Variants in AQP4 observed in about 807,000 individuals in gnomAD.
AQP4 encodes the protein aquaporin-4.
A neutral mutation model predicts 27.8 loss-of-function variants in AQP4; 18 were observed. The ratio of observed to expected loss-of-function variants is 0.65; its 90% CI spans 0.45 to 0.96. The LOEUF (loss-of-function observed/expected upper bound fraction) is 0.96. Among genes scored for constraint, AQP4 ranks in the 40% least tolerant of loss-of-function variants. The pLI is 0.00. For missense variants in AQP4, 412 were observed against 408.2 expected (o/e 1.01, Z -0.08); for synonymous variants, 141 against 142.9 (o/e 0.99, Z 0.10).
intron 4 of AQP4, among the ~76,000 whole-genome samples, chr18:26,859,339 G>T (rs182039811): frequency 6.6e-6 from 1 of 152,190 alleles, no homozygotes; most frequent in African/African-American, 2.4e-5. Context: ...GGCCAACATG[G>T]TGAAACCCTG....
rs549189914 is a variant in AQP4 at position 26,855,241 on chromosome 18, T to G, written c.*970A>C. 8.5e-4 allele frequency: 130 copies of G among 152,306 alleles called. 3 individuals carry two copies. The highest frequency in any genetic ancestry group is 8.5e-3 in the Admixed American group (130 of 15,298). The allele number at this position is 152,306 out of a possible 1,614,324, so 9.4% of individuals were successfully genotyped here. ...AGCTAAGTTCTTGTTATCAAAAATATGTCTCAGCTAATGTTTAAATATAGA... is the reference window on the plus strand; with the variant it reads ...AGCTAAGTTCTTGTTATCAAAAATAGGTCTCAGCTAATGTTTAAATATAGA... On this transcript the variant is annotated 3_prime_UTR_variant, in exon 5 of 5. Transcript: ENST00000383168.
intron 1 of AQP4, among the ~76,000 whole-genome samples, chr18:26,864,859 C>G (rs1040652185): frequency 6.6e-6 from 1 of 152,044 alleles, no homozygotes; most frequent in East Asian, 1.9e-4. Context: ...CTGCTCACCC[C>G]CTTCACCTCT....
chr18:26,864,509 AGAG>A (rs2055020720), intron 1 of AQP4, among the ~76,000 whole-genome samples: 1 of 152,182 alleles, frequency 6.6e-6, no homozygotes, highest in African/African-American at 2.4e-5. Flanking sequence ...CATACTCTCT[AGAG>A]GAAAAGAATG....
At position 26,862,574 on chromosome 18, in the gene AQP4, T is replaced by C. The variant is rs371918868; in HGVS notation, c.55A>G (p.Arg19Gly). Residue 19 changes from arginine (R) to glycine (G), a missense_variant, in exon 2 of 5, where the codon AGA becomes GGA. Transcript: ENST00000383168. ...TTGAAAGCCACCATGATGTTCTCTCTGGTACACAAAGGTCCACACTTACTG... is the reference window on the plus strand; with the variant it reads ...TTGAAAGCCACCATGATGTTCTCTCCGGTACACAAAGGTCCACACTTACTG... ...RWGKCGPLCT[R>G]ENIMVAFKGV... 1 of 1,614,068 alleles carries C rather than the reference T, an allele frequency of 6.2e-7. No individual in the cohort carries two copies. The highest frequency in any genetic ancestry group is 2.2e-5 in the East Asian group (1 of 44,878).
Position 26,855,134 on chromosome 18 carries a change from A to G in AQP4, c.*1077T>C, listed in dbSNP as rs894026099. The G allele has an allele frequency of 1.3e-5, 2 of 152,226 alleles. No individual in the cohort carries two copies. The highest frequency in any genetic ancestry group is 4.8e-5 in the African/African-American group (2 of 41,464). 9.4% of individuals were successfully genotyped at this position (152,226 alleles called of 1,614,324 possible). Reference sequence around the variant, plus strand: ...TTATCAACAAATGTCACGAGAAGTGAGAGAGCAGAGATTGGGACAGGGCCT... The same window carrying G: ...TTATCAACAAATGTCACGAGAAGTGGGAGAGCAGAGATTGGGACAGGGCCT... On this transcript the variant is annotated 3_prime_UTR_variant, in exon 5 of 5. Coordinates refer to ENST00000383168, the MANE Select transcript of AQP4 (RefSeq NM_001650.7).
At chr18:26,863,883 C>T (rs2055006528) in intron 1 of AQP4, among the ~76,000 whole-genome samples, 1 of 152,110 alleles carries the variant, frequency 6.6e-6, no homozygotes, top group African/African-American at 2.4e-5. Flanking sequence ...GCCTTCTCCT[C>T]CCGTCTATAT....
chr18:26,862,832 A>G, intron 1 of AQP4: 2 of 596,994 alleles, frequency 3.4e-6, no homozygotes, highest in Admixed American at 5.9e-5. Context: ...AAATTATCCA[A>G]ACTGTCCCTA....
Position 26,862,571 on chromosome 18 carries a change from C to G in AQP4, c.58G>C (p.Glu20Gln), listed in dbSNP as rs781604412. Residue 20 changes from glutamate (E) to glutamine (Q), a missense_variant, in exon 2 of 5, where the codon GAG (glutamate) becomes CAG (glutamine). By Grantham distance (29) the Glu-to-Gln change is conservative. Transcript: ENST00000383168. Reference protein sequence around the residue: ...WGKCGPLCTRENIMVAFKGVW... With the variant: ...WGKCGPLCTRQNIMVAFKGVW... ...CCTTTGAAAGCCACCATGATGTTCT[C>G]TCTGGTACACAAAGGTCCACACTTA... is the stretch of plus-strand genomic sequence containing the variant. 2.5e-5 allele frequency: 40 copies of G among 1,613,906 alleles called. No homozygotes were observed. Among genetic ancestry groups the G allele is most frequent in the Non-Finnish European group, 3.2e-5 (38 of 1,180,046 alleles).
At chr18:26,865,528 A>G (rs983731700) in intron 1 of AQP4, 130 bp downstream of exon 1, 2 of 1,201,202 alleles carry the variant, frequency 1.7e-6, no homozygotes, top group African/African-American at 1.5e-5. Context: ...CTCAGATCTA[A>G]AAGAACCACC....
intron 2 of AQP4, 121 bp from the exon 3 acceptor site, chr18:26,861,416 CA>C: frequency 1.1e-6 from 1 of 924,858 alleles, no homozygotes; most frequent in South Asian, 1.5e-5. Flanking sequence ...TCTTCTACCC[CA>C]CCTTCAACTG....
rs1456259989 is a variant in AQP4 at position 26,852,842 on chromosome 18, T to C, written c.*3369A>G. ...GCTTTTATATTGTTTGATAAGGTTG[T>C]CTGTGCCCCCCAGACTTCCATCTTC... On this transcript the variant is annotated 3_prime_UTR_variant, in exon 5 of 5. Coordinates refer to ENST00000383168, the MANE Select transcript of AQP4 (RefSeq NM_001650.7). The C allele has an allele frequency of 1.5e-5, 6 of 398,486 alleles. No homozygotes were observed. In the East Asian group the frequency reaches 2.1e-4, roughly 14 times the overall value. 24.7% of individuals were successfully genotyped at this position (398,486 alleles called of 1,614,324 possible). A position where few individuals can be genotyped will look rare whatever the true frequency, so the allele number is the denominator to read the frequency against.
At chr18:26,865,276 C>A (rs909268157) in intron 1 of AQP4, 2 of 341,840 alleles carry the variant, frequency 5.9e-6, no homozygotes, top group South Asian at 2.7e-5. Flanking sequence ...CAGAACAAAG[C>A]GGGTTTGTTG....
At chr18:26,861,357 A>C (rs2054940757) in intron 2 of AQP4, 62 bp from the exon 3 acceptor site, 39 of 1,524,660 alleles carry the variant, frequency 2.6e-5, no homozygotes, top group Non-Finnish European at 3.3e-5. Context: ...ACAATGTATT[A>C]ATATCATTGT....
Position 26,865,277 on chromosome 18 carries a change from G to A in AQP4, c.32+381C>T, listed in dbSNP as rs536482481. On this transcript the variant is annotated intron_variant, in intron 1 of 4. Transcript: ENST00000383168. ...TGCTTCTTTTGCCCCAGAACAAAGC[G>A]GGTTTGTTGATGTACTGAATCGGAC... 7.6e-4 allele frequency: 261 copies of A among 341,950 alleles called. 1 individual carries two copies. The highest frequency in any genetic ancestry group is 1.1e-3 in the Non-Finnish European group (190 of 177,042). 21.2% of individuals were successfully genotyped at this position (341,950 alleles called of 1,614,324 possible). A position where few individuals can be genotyped will look rare whatever the true frequency, so the allele number is the denominator to read the frequency against.
At position 26,854,395 on chromosome 18, in the gene AQP4, T is replaced by C. The variant is rs1190806858; in HGVS notation, c.*1816A>G. On this transcript the variant is annotated 3_prime_UTR_variant, in exon 5 of 5. Coordinates refer to ENST00000383168, the MANE Select transcript of AQP4 (RefSeq NM_001650.7). ...ACGGTGCAAACCATCTTTGGGAGAT[T>C]TGTACCCTAGTTTCTATAGGTGCCG... 1 of 152,260 alleles carries C rather than the reference T, an allele frequency of 6.6e-6. No homozygotes were observed. The highest frequency in any genetic ancestry group is 1.5e-5 in the Non-Finnish European group (1 of 68,034). The allele number at this position is 152,260 out of a possible 1,614,324, so 9.4% of individuals were successfully genotyped here.
intron 1 of AQP4, among the ~76,000 whole-genome samples, chr18:26,863,915 T>C (rs1336602392): frequency 6.6e-6 from 1 of 152,104 alleles, no homozygotes; most frequent in Non-Finnish European, 1.5e-5. Flanking sequence ...TCATTAGATC[T>C]TTGGAGCAGA....
chr18:26,856,190 G>A lies in AQP4; in HGVS notation c.*21C>T. The A allele has an allele frequency of 6.2e-7, 1 of 1,613,952 alleles. No individual in the cohort carries two copies. Among genetic ancestry groups the A allele is most frequent in the Non-Finnish European group, 8.5e-7 (1 of 1,179,850 alleles). On this transcript the variant is annotated 3_prime_UTR_variant, in exon 5 of 5. Transcript: ENST00000383168. Reference sequence around the variant, plus strand: ...AGGACAGTTCTAAGGAGTCTTGTCTGCTTTCAGTGCGATCTTCTAGTCATA... The same window carrying A: ...AGGACAGTTCTAAGGAGTCTTGTCTACTTTCAGTGCGATCTTCTAGTCATA...
chr18:26,865,243 A>C (rs2055038034), intron 1 of AQP4: 1 of 320,598 alleles, frequency 3.1e-6, no homozygotes, highest in Admixed American at 4.2e-5. Context: ...TGATCAACAC[A>C]ATTAGATTTG....
intron 3 of AQP4, 71 bp from the exon 4 acceptor site, chr18:26,860,923 T>C: frequency 6.8e-7 from 1 of 1,478,738 alleles, no homozygotes; most frequent in Non-Finnish European, 9.5e-7. Flanking sequence ...TTCATTGCAA[T>C]TTGCTGTCAT....
Sources: gnomAD v4.1 joint callset for allele counts (sites outside exome capture counted in the v4.1 genomes callset) on GRCh38, gnomAD v4.1.1 for gene constraint, MANE v1.5 for transcripts, NCBI Gene and HGNC (gene_info 2026-07-23, HGNC 2026-07-21) for gene names.